Variants in FAM107B observed in about 807,000 individuals in gnomAD.
FAM107B encodes family with sequence similarity 107 member B.
FAM107B carries 21 observed loss-of-function variants against 31.5 expected under a neutral mutation model. The observed-to-expected ratio is 0.67, with a 90% CI of 0.47 to 0.96. The LOEUF is 0.96. Among genes scored for constraint, FAM107B ranks in the 40% least tolerant of loss-of-function variants. The pLI, the probability that FAM107B is intolerant of heterozygous loss-of-function variation, is 0.00. For synonymous variants in FAM107B, 157 were observed against 141.5 expected, an observed-to-expected ratio of 1.11 and a Z score of -0.78; for missense variants, 452 against 377.1, an observed-to-expected ratio of 1.20 and a Z score of -1.64.
chr10:14,770,022 G>C (rs1181665319), intron 1 of FAM107B, among the ~76,000 whole-genome samples: 3 of 152,132 alleles, frequency 2.0e-5, no homozygotes. Flanking sequence ...TTCTTCCCAA[G>C]GCTGAACATG....
Position 14,579,180 on chromosome 10 carries a change from T to C in FAM107B, c.470-48665A>G, listed in dbSNP as rs183030303. Among the ~76,000 whole-genome samples the C allele has an allele frequency of 4.3e-3, 660 of 152,328 alleles. 1 individual carries two copies. The highest frequency in any genetic ancestry group is 0.014 in the African/African-American group (596 of 41,558). ...TTCTGAAATAATTACCAATTTGACATACCAATTGTGAAAATTAATTTTTTT... is the reference window on the plus strand; with the variant it reads ...TTCTGAAATAATTACCAATTTGACACACCAATTGTGAAAATTAATTTTTTT... On this transcript the variant is annotated intron_variant, in intron 2 of 4. Transcript: ENST00000181796.
intron 1 of FAM107B, among the ~76,000 whole-genome samples, chr10:14,771,822 T>C (rs1004547414): frequency 1.3e-5 from 2 of 152,174 alleles, no homozygotes; most frequent in African/African-American, 4.8e-5. Flanking sequence ...AGCCAATATG[T>C]ATGATATTTA....
chr10:14,537,832 T>TC (rs1847790301), intron 2 of FAM107B, among the ~76,000 whole-genome samples: 5 of 77,014 alleles, frequency 6.5e-5, no homozygotes, highest in African/African-American at 2.3e-4. Context: ...AGACTCTGTC[T>TC]CAAAAAAAAA....
intron 1 of FAM107B, among the ~76,000 whole-genome samples, chr10:14,747,775 G>A (rs552088516): frequency 1.3e-5 from 2 of 152,224 alleles, no homozygotes; most frequent in Non-Finnish European, 2.9e-5. Context: ...ACCCAGTCAG[G>A]AGGCACAGGA....
chr10:14,577,012 T>G (rs1851485968), intron 2 of FAM107B, among the ~76,000 whole-genome samples: 1 of 152,240 alleles, frequency 6.6e-6, no homozygotes, highest in African/African-American at 2.4e-5. Flanking sequence ...CAATAATTGT[T>G]TCTTCATATT....
chr10:14,710,679 T>C (rs1039199703), intron 1 of FAM107B, among the ~76,000 whole-genome samples: 2 of 152,190 alleles, frequency 1.3e-5, no homozygotes, highest in African/African-American at 2.4e-5. Flanking sequence ...TCATAATGTG[T>C]GTGCTTGTTT....
At chr10:14,651,939 T>C (rs780875398) in intron 2 of FAM107B, among the ~76,000 whole-genome samples, 12 of 152,094 alleles carry the variant, frequency 7.9e-5, no homozygotes, top group Admixed American at 3.3e-4. Flanking sequence ...AGGAACTCAA[T>C]AAGATTCATA....
intron 1 of FAM107B, among the ~76,000 whole-genome samples, chr10:14,710,912 A>C (rs1452131466): frequency 6.7e-6 from 1 of 148,270 alleles, no homozygotes; most frequent in Non-Finnish European, 1.5e-5. Flanking sequence ...TTTATTATTA[A>C]AGAAATAATT....
chr10:14,655,911 C>A (rs1015298472), intron 2 of FAM107B, among the ~76,000 whole-genome samples: 29 of 152,032 alleles, frequency 1.9e-4, no homozygotes, highest in African/African-American at 6.3e-4. Context: ...GAGGCAGGTT[C>A]TGGGGTGAGA....
chr10:14,746,709 C>G (rs776046771), intron 1 of FAM107B, among the ~76,000 whole-genome samples: 1 of 152,210 alleles, frequency 6.6e-6, no homozygotes, highest in Non-Finnish European at 1.5e-5. Flanking sequence ...TGACCTTTCT[C>G]TCTGGCTGTC....
At chr10:14,640,061 CAGCT>C (rs1407644351) in intron 2 of FAM107B, among the ~76,000 whole-genome samples, 2 of 152,194 alleles carry the variant, frequency 1.3e-5, no homozygotes, top group African/African-American at 4.8e-5. Flanking sequence ...TAATAATACA[CAGCT>C]TGGCCATGGT....
At chr10:14,720,954 C>T (rs941033596) in intron 1 of FAM107B, among the ~76,000 whole-genome samples, 2 of 152,072 alleles carry the variant, frequency 1.3e-5, no homozygotes, top group Non-Finnish European at 2.9e-5. Context: ...ATTAATTCAT[C>T]ATTTACATTA....
At chr10:14,539,488 T>TA (rs903742213) in intron 2 of FAM107B, among the ~76,000 whole-genome samples, 60 of 150,280 alleles carry the variant, frequency 4.0e-4, no homozygotes, top group Non-Finnish European at 7.6e-4. Flanking sequence ...AAGCCAAAGT[T>TA]AAAAAAAAAC....
intron 2 of FAM107B, among the ~76,000 whole-genome samples, chr10:14,599,382 C>G (rs1266304677): frequency 3.3e-5 from 5 of 152,332 alleles, no homozygotes; most frequent in South Asian, 2.1e-4. Context: ...TCTGCCACAG[C>G]AGAAACCCCA....
chr10:14,529,733 C>T (rs1296810745), intron 3 of FAM107B: 5 of 152,168 alleles, frequency 3.3e-5, no homozygotes, highest in Admixed American at 6.5e-5. Context: ...ACCCAACATC[C>T]ATAATGATTT....
intron 2 of FAM107B, among the ~76,000 whole-genome samples, chr10:14,649,328 T>G (rs1853841803): frequency 6.6e-6 from 1 of 152,232 alleles, no homozygotes; most frequent in African/African-American, 2.4e-5. Context: ...TGCAAAGCTG[T>G]CTCTTGTGGG....
At chr10:14,711,630 T>C (rs1855648710) in intron 1 of FAM107B, among the ~76,000 whole-genome samples, 1 of 152,190 alleles carries the variant, frequency 6.6e-6, no homozygotes, top group Non-Finnish European at 1.5e-5. Context: ...TTTCCAAAAA[T>C]GTATCCCTGC....
chr10:14,687,049 T>G (rs1555986), intron 1 of FAM107B, among the ~76,000 whole-genome samples: 106,314 of 152,194 alleles, frequency 0.7, 37,381 homozygotes, highest in Middle Eastern at 0.8. Context: ...GCCTCAGAGA[T>G]GCTGAACGAT....
At chr10:14,698,228 A>T (rs986837832) in intron 1 of FAM107B, among the ~76,000 whole-genome samples, 1 of 152,238 alleles carries the variant, frequency 6.6e-6, no homozygotes, top group African/African-American at 2.4e-5. Flanking sequence ...TAGTACTCCT[A>T]AGCCAACTTA....
Sources: gnomAD v4.1 joint callset for allele counts (sites outside exome capture counted in the v4.1 genomes callset) on GRCh38, gnomAD v4.1.1 for gene constraint, MANE v1.5 for transcripts, NCBI Gene and HGNC (gene_info 2026-07-23, HGNC 2026-07-21) for gene names.